The following TRDN variants were observed in gnomAD, a reference collection of about 807,000 sequenced individuals.
TRDN encodes the protein triadin in skeletal muscle.
A neutral mutation model predicts 149.7 loss-of-function variants in TRDN; 161 were observed. The observed-to-expected ratio is 1.08, with a 90% confidence interval of 0.95 to 1.23. TRDN has a LOEUF of 1.23. Ranked by LOEUF, TRDN falls within the 50% of genes most tolerant of loss-of-function variation. TRDN has a pLI of 0.00. For missense variants in TRDN, 896 were observed against 823.5 expected (o/e 1.09, Z -1.08); for synonymous variants, 294 against 250.5 (o/e 1.17, Z -1.64).
chr6:123,549,320 G>T (rs912736124), intron 2 of TRDN, among the ~76,000 whole-genome samples: 3 of 151,824 alleles, frequency 2.0e-5, no homozygotes, highest in Non-Finnish European at 2.9e-5. Context: ...AATATATTAG[G>T]GATTTCCAAA....
intron 38 of TRDN, among the ~76,000 whole-genome samples, chr6:123,227,691 C>T (rs1383184222): frequency 1.3e-5 from 2 of 151,878 alleles, no homozygotes; most frequent in Non-Finnish European, 2.9e-5. Context: ...ACGTTTGATC[C>T]TGAACAACAA....
chr6:123,234,446 C>T (rs1180852714), intron 38 of TRDN, among the ~76,000 whole-genome samples: 1 of 152,020 alleles, frequency 6.6e-6, no homozygotes, highest in Non-Finnish European at 1.5e-5. Flanking sequence ...TTGTACATAT[C>T]TGTATTAGTT....
chr6:123,324,028 T>G (rs1203669023), intron 23 of TRDN, among the ~76,000 whole-genome samples: 1 of 152,124 alleles, frequency 6.6e-6, no homozygotes, highest in Non-Finnish European at 1.5e-5. Flanking sequence ...TTGGAAATAT[T>G]TCAGCTAATG....
intron 10 of TRDN, among the ~76,000 whole-genome samples, chr6:123,444,476 T>G (rs1237830280): frequency 6.6e-6 from 1 of 150,532 alleles, no homozygotes; most frequent in Non-Finnish European, 1.5e-5. Flanking sequence ...AGAGGGACAA[T>G]TTGACTTCCT....
At chr6:123,387,525 A>AT (rs1015876043) in intron 14 of TRDN, among the ~76,000 whole-genome samples, 1 of 151,952 alleles carries the variant, frequency 6.6e-6, no homozygotes, top group African/African-American at 2.4e-5. Flanking sequence ...TATTATTACC[A>AT]TTGTTTATCC....
At chr6:123,341,384 T>C (rs1001756946) in intron 21 of TRDN, among the ~76,000 whole-genome samples, 3 of 151,928 alleles carry the variant, frequency 2.0e-5, no homozygotes, top group African/African-American at 4.8e-5. Context: ...TTTTAACATT[T>C]TACATTTTTT....
chr6:123,223,461 A>G (rs1562217342), intron 39 of TRDN, among the ~76,000 whole-genome samples: 1 of 151,816 alleles, frequency 6.6e-6, no homozygotes. Flanking sequence ...TCTTTTTAAC[A>G]TAATGCCTAT....
intron 38 of TRDN, among the ~76,000 whole-genome samples, chr6:123,248,067 C>A (rs1582773066): frequency 6.6e-6 from 1 of 152,048 alleles, no homozygotes; most frequent in African/African-American, 2.4e-5. Context: ...TGAAACTGGA[C>A]CCCTTCCTTA....
chr6:123,585,846 T>C (rs1323031868), intron 1 of TRDN, among the ~76,000 whole-genome samples: 1 of 152,092 alleles, frequency 6.6e-6, no homozygotes, highest in Non-Finnish European at 1.5e-5. Flanking sequence ...GGCTGGGGTT[T>C]GTCTCACAGT....
chr6:123,382,350 T>C (rs1037559472), intron 14 of TRDN, among the ~76,000 whole-genome samples: 13 of 151,302 alleles, frequency 8.6e-5, no homozygotes, highest in Admixed American at 4.0e-4. Flanking sequence ...AGAAACTCTT[T>C]ATAAAATATC....
Position 123,279,051 on chromosome 6 carries a change from C to G in TRDN, c.1537+5G>C. 3.7e-6 allele frequency: 6 copies of G among 1,608,064 alleles called. No individual in the cohort carries two copies. Among genetic ancestry groups the G allele is most frequent in the Non-Finnish European group, 5.1e-6 (6 of 1,177,414 alleles). ...GTTTGTTTATTGAGCATGCATATAA[C>G]ATACGTGGAGGTTTAGGCTTGACTT... On this transcript the variant is annotated splice_donor_5th_base_variant and intron_variant, in intron 25 of 40. Coordinates refer to ENST00000334268, the MANE Select transcript of TRDN (RefSeq NM_006073.4).
rs1325446831 is a variant in TRDN at position 123,595,479 on chromosome 6, G to C, written c.23-24347C>G. Among the ~76,000 whole-genome samples, 5 of 152,188 alleles carry C rather than the reference G, an allele frequency of 3.3e-5. No homozygotes were observed. The East Asian group carries it at 5.8e-4, about 18-fold the overall frequency. On this transcript the variant is annotated intron_variant, in intron 1 of 40. Coordinates refer to ENST00000334268, the MANE Select transcript of TRDN (RefSeq NM_006073.4). The stretch of plus-strand genomic sequence containing the variant: ...ACCATAAAGAGATTTGGAAATCGAA[G>C]TGAGAAATTAAAAGCATACAAGTAA...
intron 21 of TRDN, among the ~76,000 whole-genome samples, chr6:123,338,505 C>T (rs111681238): frequency 0.026 from 3,895 of 152,268 alleles, 84 homozygotes; most frequent in Middle Eastern, 0.044. Context: ...GGAGAGGCTA[C>T]ATCTAGGCAG....
At chr6:123,328,180 C>T (rs1779530063) in intron 23 of TRDN, among the ~76,000 whole-genome samples, 1 of 152,184 alleles carries the variant, frequency 6.6e-6, no homozygotes, top group Non-Finnish European at 1.5e-5. Context: ...CACCCAGAAT[C>T]CCTCGCAGTT....
chr6:123,391,854 T>C (rs1423096071), intron 13 of TRDN, among the ~76,000 whole-genome samples: 1 of 152,096 alleles, frequency 6.6e-6, no homozygotes, highest in African/African-American at 2.4e-5. Flanking sequence ...ATAGGATTAT[T>C]GCCAATTTTA....
chr6:123,635,884 T>C (rs1250460099), intron 1 of TRDN, among the ~76,000 whole-genome samples: 2 of 151,842 alleles, frequency 1.3e-5, no homozygotes, highest in East Asian at 3.9e-4. Flanking sequence ...TTTCCTTCAT[T>C]CTAAGAAATA....
chr6:123,440,619 C>T (rs1400993950), intron 10 of TRDN, among the ~76,000 whole-genome samples: 1 of 152,104 alleles, frequency 6.6e-6, no homozygotes, highest in Non-Finnish European at 1.5e-5. Flanking sequence ...TATTTCTAAG[C>T]TCAAGCTAAA....
chr6:123,438,007 C>T (rs1774668801), intron 12 of TRDN, 56 bp downstream of exon 12: 7 of 1,457,562 alleles, frequency 4.8e-6, no homozygotes, highest in Non-Finnish European at 6.6e-6. Context: ...AGGAGTCTTT[C>T]ATGAAGCAAA....
intron 32 of TRDN, among the ~76,000 whole-genome samples, chr6:123,267,357 A>T (rs1045985976): frequency 1.3e-5 from 2 of 152,120 alleles, no homozygotes; most frequent in East Asian, 3.9e-4. Flanking sequence ...TGTGAAATTT[A>T]ACCTGTGTAA....
Sources: gnomAD v4.1 joint callset for allele counts (sites outside exome capture counted in the v4.1 genomes callset) on GRCh38, gnomAD v4.1.1 for gene constraint, MANE v1.5 for transcripts, NCBI Gene and HGNC (gene_info 2026-07-23, HGNC 2026-07-21) for gene names.